The following ZFYVE9 variants were observed in gnomAD, a reference collection of about 807,000 sequenced individuals.
The protein encoded by ZFYVE9 is zinc finger FYVE domain-containing protein 9.
A neutral mutation model predicts 126.7 loss-of-function variants in ZFYVE9; 43 were observed. The ratio of observed to expected loss-of-function variants is 0.34; its 90% CI spans 0.27 to 0.44. ZFYVE9 has a LOEUF of 0.44. Among genes scored for constraint, ZFYVE9 ranks in the 20% least tolerant of loss-of-function variants. The probability of loss-of-function intolerance (pLI) is 1.00; values close to 1 mark genes in which losing one functional copy is unlikely to be tolerated. For missense variants in ZFYVE9, 1,476 were observed against 1,697.0 expected, an observed-to-expected ratio of 0.87 and a Z score of 2.29; for synonymous variants, 521 against 597.4, an observed-to-expected ratio of 0.87 and a Z score of 1.87.
rs1020496012 is a variant in ZFYVE9, at chr1:52,244,818, A to G, written c.2178+5223A>G. On this transcript the variant is annotated intron_variant, in intron 4 of 18. Coordinates refer to ENST00000287727, the MANE Select transcript of ZFYVE9 (RefSeq NM_004799.4). ...TTCTGTAGGACCCGTCTGTGCTACT[A>G]CCTGTCTACCTATTTCCATGTATTT... is the stretch of plus-strand genomic sequence containing the variant. Among the ~76,000 whole-genome samples, 60 of 152,138 alleles carry G rather than the reference A, an allele frequency of 3.9e-4. 1 individual carries two copies. Among genetic ancestry groups the G allele is most frequent in the Admixed American group, 3.8e-3 (58 of 15,264 alleles).
intron 12 of ZFYVE9, among the ~76,000 whole-genome samples, chr1:52,298,376 C>T (rs1645998083): frequency 6.6e-6 from 1 of 152,146 alleles, no homozygotes; most frequent in African/African-American, 2.4e-5. Flanking sequence ...GATATATCCA[C>T]TTTTCCAAGT....
intron 1 of ZFYVE9, among the ~76,000 whole-genome samples, chr1:52,172,010 T>C (rs1055733910): frequency 2.6e-5 from 4 of 152,122 alleles, no homozygotes; most frequent in African/African-American, 9.7e-5. Context: ...TTTAATGAGA[T>C]CCCATTTGTC....
chr1:52,333,801 A>G (rs946950786), intron 14 of ZFYVE9, among the ~76,000 whole-genome samples: 3 of 149,988 alleles, frequency 2.0e-5, no homozygotes, highest in Admixed American at 2.0e-4. Context: ...TAAAAAAAAA[A>G]AAAAAAAAGC....
chr1:52,186,733 G>A (rs182121180), intron 1 of ZFYVE9, among the ~76,000 whole-genome samples: 2 of 152,162 alleles, frequency 1.3e-5, no homozygotes, highest in Admixed American at 6.5e-5. Context: ...AAAGAATAAA[G>A]TATTAATACG....
intron 2 of ZFYVE9, among the ~76,000 whole-genome samples, chr1:52,219,797 GT>G: frequency 6.8e-6 from 1 of 146,980 alleles, no homozygotes. Context: ...GTGTGTGTGT[GT>G]GTGTGGCAGA....
At chr1:52,297,590 A>G (rs999587178) in intron 12 of ZFYVE9, among the ~76,000 whole-genome samples, 1 of 151,918 alleles carries the variant, frequency 6.6e-6, no homozygotes, top group African/African-American at 2.4e-5. Context: ...GAGCACTGAA[A>G]TGGTTCTTTT....
chr1:52,274,542 G>C lies in ZFYVE9; in HGVS notation c.2704G>C (p.Asp902His). 1 of 1,612,832 alleles carries C rather than the reference G, an allele frequency of 6.2e-7. No individual in the cohort carries two copies. The highest frequency in any genetic ancestry group is 8.5e-7 in the Non-Finnish European group (1 of 1,179,234). Reference protein sequence around the residue: ...VGSAMNLIPEDGLPPILISTG... With the variant: ...VGSAMNLIPEHGLPPILISTG... The stretch of plus-strand genomic sequence containing the variant: ...AAGTGCAATGAATCTTATTCCTGAA[G>C]ATGGCCTTCCTCCCATTCTCATCTC... Residue 902 changes from aspartate (D) to histidine (H), a missense_variant, in exon 8 of 19, where the codon GAT (aspartate) becomes CAT (histidine). This residue lies in a region of ZFYVE9 where 669 missense variants were observed against 902.4 expected (regional missense o/e 0.74). Transcript: ENST00000287727.
intron 1 of ZFYVE9, among the ~76,000 whole-genome samples, chr1:52,180,867 C>T (rs1461819062): frequency 6.7e-6 from 1 of 148,624 alleles, no homozygotes; most frequent in African/African-American, 2.5e-5. Context: ...CCCAGTTACT[C>T]AGGAGGCTGA....
intron 6 of ZFYVE9, among the ~76,000 whole-genome samples, chr1:52,268,129 C>T (rs1001752443): frequency 6.6e-6 from 1 of 152,080 alleles, no homozygotes; most frequent in South Asian, 2.1e-4. Flanking sequence ...AATTTATTTC[C>T]GAGGCCCTTG....
chr1:52,143,985 A>G (rs1377453884), intron 1 of ZFYVE9, among the ~76,000 whole-genome samples: 1 of 152,194 alleles, frequency 6.6e-6, no homozygotes, highest in African/African-American at 2.4e-5. Context: ...TAATTCAGGC[A>G]AAGTGTGATG....
At chr1:52,209,062 G>GCAAT (rs1332904199) in intron 1 of ZFYVE9, among the ~76,000 whole-genome samples, 1 of 152,162 alleles carries the variant, frequency 6.6e-6, no homozygotes, top group African/African-American at 2.4e-5. Context: ...GACAAAAGAA[G>GCAAT]CAATCTCTAT....
chr1:52,279,525 A>G (rs1232020692), intron 9 of ZFYVE9, among the ~76,000 whole-genome samples: 1 of 152,172 alleles, frequency 6.6e-6, no homozygotes, highest in Non-Finnish European at 1.5e-5. Context: ...TTGCAGTGGC[A>G]TGATCTCTGT....
rs117272757 is a variant in ZFYVE9 at position 52,323,129 on chromosome 1, A to G, written c.3439-9639A>G. On this transcript the variant is annotated intron_variant, in intron 13 of 18. Transcript: ENST00000287727. ...CTCTGTGACCTCATTTTTTATAACT[A>G]TTCCTTTTCTGTCACTCAGCTCTGG... Among the ~76,000 whole-genome samples, 1,496 of 152,116 alleles carry G rather than the reference A, an allele frequency of 9.8e-3. 67 individuals are homozygous for G. The East Asian group carries it at 0.12, about 12-fold the overall frequency.
chr1:52,324,244 G>A (rs1646269216), intron 13 of ZFYVE9, among the ~76,000 whole-genome samples: 1 of 98,228 alleles, frequency 1.0e-5, no homozygotes, highest in Non-Finnish European at 2.1e-5. Context: ...ACAAGACCCT[G>A]TCTCAAAAAC....
chr1:52,210,851 C>T (rs183550190), intron 1 of ZFYVE9, among the ~76,000 whole-genome samples: 1 of 152,278 alleles, frequency 6.6e-6, no homozygotes, highest in Admixed American at 6.5e-5. Context: ...GACGGGGTTT[C>T]GCCATGTTGG....
rs1195281950 is a variant in ZFYVE9, at chr1:52,238,547, A to G, written c.1130A>G (p.His377Arg). 1.9e-6 allele frequency: 3 copies of G among 1,614,002 alleles called. No individual in the cohort carries two copies. The highest frequency in any genetic ancestry group is 2.7e-5 in the African/African-American group (2 of 74,936). ...GCTGATGAAAATGAAGGTTATGAAC[A>G]TGAAGAAACTCTTGGCACTACAGAA... is the stretch of plus-strand genomic sequence containing the variant. ...VRADENEGYE[H>R]EETLGTTEFL... The change falls in exon 4 of 19, where the codon CAT becomes CGT. Residue 377 changes from histidine to arginine, a missense_variant. His to Arg is a conservative substitution (Grantham distance 29, BLOSUM62 0). This residue lies in a region of ZFYVE9 where 807 missense variants were observed against 794.6 expected (regional missense o/e 1.02). Transcript: ENST00000287727.
intron 13 of ZFYVE9, among the ~76,000 whole-genome samples, chr1:52,320,225 C>G (rs1009273263): frequency 2.0e-5 from 3 of 151,830 alleles, no homozygotes; most frequent in Non-Finnish European, 2.9e-5. Context: ...CACATGCCAC[C>G]ACGCCCAGCT....
intron 2 of ZFYVE9, among the ~76,000 whole-genome samples, chr1:52,225,922 A>C (rs1645166623): frequency 6.6e-6 from 1 of 152,162 alleles, no homozygotes; most frequent in Non-Finnish European, 1.5e-5. Context: ...GAGGTTTAAT[A>C]AACAGAAGAA....
intron 5 of ZFYVE9, among the ~76,000 whole-genome samples, chr1:52,266,405 TAAAAAAA>T (rs33996604): frequency 2.0e-4 from 17 of 85,640 alleles, no homozygotes; most frequent in African/African-American, 2.9e-4. Flanking sequence ...TCTAATTCTT[TAAAAAAA>T]AAAAAAAAAA....
Sources: gnomAD v4.1 joint callset for allele counts (sites outside exome capture counted in the v4.1 genomes callset) on GRCh38, gnomAD v4.1.1 for gene constraint, gnomAD v4.1.1 regional missense constraint, MANE v1.5 for transcripts, NCBI Gene and HGNC (gene_info 2026-07-23, HGNC 2026-07-21) for gene names.